The following SCP2 variants were observed in gnomAD, a reference collection of about 807,000 sequenced individuals.
SCP2 encodes SCP-2/3-oxoacyl-CoA thiolase.
In SCP2, 48 loss-of-function variants were observed where a neutral mutation model predicts 71.4. The ratio of observed to expected loss-of-function variants is 0.67; its 90% CI spans 0.53 to 0.86. The LOEUF is 0.86. SCP2 is among the 40% of genes least tolerant of loss of function. The probability of loss-of-function intolerance (pLI) is 0.00; values close to 1 mark genes in which losing one functional copy is unlikely to be tolerated. For synonymous variants in SCP2, 220 were observed against 218.1 expected, an observed-to-expected ratio of 1.01 and a Z score of -0.08; for missense variants, 560 against 655.6, an observed-to-expected ratio of 0.85 and a Z score of 1.59.
At chr1:53,046,625 C>T (rs892120548) in intron 14 of SCP2, among the ~76,000 whole-genome samples, 3 of 152,102 alleles carry the variant, frequency 2.0e-5, no homozygotes, top group Non-Finnish European at 4.4e-5. Flanking sequence ...AGTTGTTTGT[C>T]AGAGATATAT....
At chr1:52,927,499 G>A in intron 1 of SCP2, 34 bp downstream of exon 1, 1 of 1,527,628 alleles carries the variant, frequency 6.5e-7, no homozygotes, top group African/African-American at 1.4e-5. Context: ...GGCCCTCTGA[G>A]GCTCGGGGGC....
intron 12 of SCP2, among the ~76,000 whole-genome samples, chr1:53,027,626 T>G (rs1286733469): frequency 6.6e-6 from 1 of 152,146 alleles, no homozygotes; most frequent in African/African-American, 2.4e-5. Context: ...TACCTCAGCC[T>G]CCTGAGTTGC....
At chr1:53,005,955 C>A (rs1660614923) in intron 11 of SCP2, among the ~76,000 whole-genome samples, 1 of 152,054 alleles carries the variant, frequency 6.6e-6, no homozygotes, top group Non-Finnish European at 1.5e-5. Flanking sequence ...GAGCTGAAAA[C>A]CATGGCACAA....
At chr1:53,044,679 A>G (rs1423978782) in intron 14 of SCP2, among the ~76,000 whole-genome samples, 1 of 152,218 alleles carries the variant, frequency 6.6e-6, no homozygotes, top group Non-Finnish European at 1.5e-5. Flanking sequence ...GCTAATTCTT[A>G]ATGAGAGGAG....
chr1:53,038,769 C>A, intron 13 of SCP2, 148 bp from the exon 14 acceptor site: 1 of 971,338 alleles, frequency 1.0e-6, no homozygotes, highest in Non-Finnish European at 1.6e-6. Flanking sequence ...GCCTTTCAGA[C>A]TTTTCTGGGT....
chr1:52,956,163 G>C (rs1655775964), intron 5 of SCP2, among the ~76,000 whole-genome samples: 1 of 152,128 alleles, frequency 6.6e-6, no homozygotes, highest in African/African-American at 2.4e-5. Context: ...AATTAGCCGG[G>C]TGTGGTGATA....
At chr1:53,039,628 T>C (rs1663277956) in intron 14 of SCP2, among the ~76,000 whole-genome samples, 1 of 152,238 alleles carries the variant, frequency 6.6e-6, no homozygotes, top group Non-Finnish European at 1.5e-5. Context: ...GCCCTCATGA[T>C]ATTACACTTA....
Position 52,980,376 on chromosome 1 carries a change from A to G in SCP2, c.826-20A>G. 5.6e-6 allele frequency: 9 copies of G among 1,612,346 alleles called. No individual in the cohort carries two copies. The highest frequency in any genetic ancestry group is 7.6e-6 in the Non-Finnish European group (9 of 1,179,104). ...GGCCCAGTTTTGGTGCCCTTTATTTATATATGGTTTTGGTTTTAGGTTGGC... is the reference window on the plus strand; with the variant it reads ...GGCCCAGTTTTGGTGCCCTTTATTTGTATATGGTTTTGGTTTTAGGTTGGC... On this transcript the variant is annotated intron_variant, in intron 9 of 15. Coordinates refer to ENST00000371514, the MANE Select transcript of SCP2 (RefSeq NM_002979.5).
At chr1:52,953,208 A>C (rs113362218) in intron 4 of SCP2, among the ~76,000 whole-genome samples, 1 of 151,958 alleles carries the variant, frequency 6.6e-6, no homozygotes, top group Non-Finnish European at 1.5e-5. Context: ...TTAATTTCAA[A>C]TTTTAAATGT....
At chr1:52,970,752 C>A (rs918700405) in intron 6 of SCP2, among the ~76,000 whole-genome samples, 2 of 151,868 alleles carry the variant, frequency 1.3e-5, no homozygotes. Flanking sequence ...CCTCAGCCTG[C>A]CCATGTACCC....
chr1:53,028,931 A>T (rs771833924), intron 13 of SCP2, among the ~76,000 whole-genome samples: 1 of 151,864 alleles, frequency 6.6e-6, no homozygotes, highest in Non-Finnish European at 1.5e-5. Flanking sequence ...ACCCACCACC[A>T]CGCCAGGCTA....
chr1:52,987,382 G>A (rs17107507), intron 10 of SCP2, among the ~76,000 whole-genome samples: 9 of 152,102 alleles, frequency 5.9e-5, no homozygotes, highest in South Asian at 2.1e-4. Context: ...TATTTGGAGC[G>A]TCCACATCTT....
At chr1:52,989,544 A>G (rs1330819988) in intron 11 of SCP2, among the ~76,000 whole-genome samples, 1 of 152,232 alleles carries the variant, frequency 6.6e-6, no homozygotes, top group African/African-American at 2.4e-5. Context: ...TGAGCAAGTC[A>G]GAACAGAGTT....
At chr1:52,947,084 A>C (rs1335727230) in intron 2 of SCP2, among the ~76,000 whole-genome samples, 1 of 149,874 alleles carries the variant, frequency 6.7e-6, no homozygotes, top group Admixed American at 6.6e-5. Context: ...AAAAAACGGA[A>C]AATACAGGAA....
chr1:53,017,816 G>T (rs1661437585), intron 12 of SCP2, among the ~76,000 whole-genome samples: 1 of 152,152 alleles, frequency 6.6e-6, no homozygotes, highest in Non-Finnish European at 1.5e-5. Flanking sequence ...AATTGTTGGA[G>T]TAGTAGCATT....
intron 6 of SCP2, among the ~76,000 whole-genome samples, chr1:52,966,977 C>T (rs1253804217): frequency 6.6e-6 from 1 of 152,022 alleles, no homozygotes; most frequent in East Asian, 1.9e-4. Context: ...TACCTGAGGT[C>T]AGGAGTTCGA....
chr1:52,945,072 A>G (rs373587802), intron 2 of SCP2, among the ~76,000 whole-genome samples: 3 of 152,244 alleles, frequency 2.0e-5, no homozygotes, highest in Admixed American at 6.5e-5. Flanking sequence ...ATACTAATGA[A>G]AACAAAATTT....
intron 4 of SCP2, among the ~76,000 whole-genome samples, chr1:52,954,145 C>CA (rs1655582946): frequency 6.7e-6 from 1 of 149,932 alleles, no homozygotes; most frequent in Non-Finnish European, 1.5e-5. Flanking sequence ...ACTCTCTCTA[C>CA]AAAAAATAAA....
At chr1:52,942,639 A>C (rs963408148) in intron 2 of SCP2, among the ~76,000 whole-genome samples, 2 of 151,976 alleles carry the variant, frequency 1.3e-5, no homozygotes, top group African/African-American at 4.8e-5. Flanking sequence ...ATCAATAAGA[A>C]ATTTAATTAT....
Sources: allele counts gnomAD v4.1 joint callset (sites outside exome capture counted in the v4.1 genomes callset), GRCh38; gene constraint gnomAD v4.1.1; transcripts MANE v1.5; gene names NCBI Gene and HGNC (gene_info 2026-07-23, HGNC 2026-07-21).